Variants in MAN2A1 observed in about 807,000 individuals in gnomAD.
MAN2A1 encodes the protein mannosidase alpha class 2A member 1.
A neutral mutation model predicts 142.6 loss-of-function variants in MAN2A1; 76 were observed. The ratio of observed to expected loss-of-function variants is 0.53; its 90% CI spans 0.44 to 0.65. The LOEUF (loss-of-function observed/expected upper bound fraction) is 0.65, where lower values mean the gene tolerates loss of function less well. Among genes scored for constraint, MAN2A1 ranks in the 30% least tolerant of loss-of-function variants. The probability of loss-of-function intolerance (pLI) is 0.00; values close to 1 mark genes in which losing one functional copy is unlikely to be tolerated. For missense variants in MAN2A1, 1,311 were observed against 1,365.1 expected, an observed-to-expected ratio of 0.96 and a Z score of 0.62; for synonymous variants, 559 against 473.2, an observed-to-expected ratio of 1.18 and a Z score of -2.35.
intron 1 of MAN2A1, among the ~76,000 whole-genome samples, chr5:109,709,904 C>A (rs1751248260): frequency 6.6e-6 from 1 of 152,176 alleles, no homozygotes; most frequent in Non-Finnish European, 1.5e-5. Flanking sequence ...TATTCTTTGA[C>A]TTCTCAGCAT....
At chr5:109,734,915 C>T (rs976124855) in intron 4 of MAN2A1, among the ~76,000 whole-genome samples, 34 of 152,136 alleles carry the variant, frequency 2.2e-4, no homozygotes, top group Admixed American at 1.8e-3. Flanking sequence ...AGTTCAATTC[C>T]TGGGTATCCT....
chr5:109,829,775 A>G lies in MAN2A1; in HGVS notation c.2566+5938A>G, dbSNP rs568387627. 3.9e-5 allele frequency among the ~76,000 whole-genome samples: 6 copies of G among 152,326 alleles called. No homozygotes were observed. In the South Asian group the frequency reaches 1.2e-3, roughly 32 times the overall value. ...TTGAGTGGAAAGTTTCCTCAACTTT[A>G]ATTTTTCAGTCAGAATTGTATAAGC... On this transcript the variant is annotated intron_variant, in intron 16 of 21. Coordinates refer to ENST00000261483, the MANE Select transcript of MAN2A1 (RefSeq NM_002372.4).
At chr5:109,705,424 A>C (rs1046912863) in intron 1 of MAN2A1, among the ~76,000 whole-genome samples, 2 of 152,006 alleles carry the variant, frequency 1.3e-5, no homozygotes, top group African/African-American at 4.8e-5. Context: ...GAGCCTTGTT[A>C]GACCAAATTA....
chr5:109,763,521 TTAG>T (rs57149582), intron 5 of MAN2A1, among the ~76,000 whole-genome samples: 19,913 of 151,486 alleles, frequency 0.13, 1,706 homozygotes, highest in African/African-American at 0.25. Context: ...AAAATTTATT[TTAG>T]TATTATTATT....
At chr5:109,861,620 T>C (rs1755762472) in intron 20 of MAN2A1, among the ~76,000 whole-genome samples, 1 of 152,216 alleles carries the variant, frequency 6.6e-6, no homozygotes, top group Non-Finnish European at 1.5e-5. Flanking sequence ...TTTCATCCCA[T>C]CTTACAGAAT....
chr5:109,709,686 AG>A (rs1013866902), intron 1 of MAN2A1, among the ~76,000 whole-genome samples: 2 of 152,194 alleles, frequency 1.3e-5, no homozygotes, highest in Non-Finnish European at 2.9e-5. Flanking sequence ...GTTCTCTCAA[AG>A]GTATTTGATA....
chr5:109,770,297 A>AT, intron 6 of MAN2A1, 58 bp from the exon 7 acceptor site: 2 of 1,483,530 alleles, frequency 1.3e-6, no homozygotes, highest in Non-Finnish European at 9.3e-7. Flanking sequence ...CATTTTGAAT[A>AT]TTTTTTGGGA....
At chr5:109,864,959 G>A (rs1342210189) in intron 20 of MAN2A1, 77 bp from the exon 21 acceptor site, 13 of 981,166 alleles carry the variant, frequency 1.3e-5, no homozygotes, top group East Asian at 4.8e-5. Flanking sequence ...TGCTGACATC[G>A]AGAGAGTGGT....
At position 109,716,222 on chromosome 5, in the gene MAN2A1, C is replaced by A; in HGVS notation, c.493C>A (p.Pro165Thr). 6.2e-7 allele frequency: 1 copy of A among 1,610,800 alleles called. No individual in the cohort carries two copies. Among genetic ancestry groups the A allele is most frequent in the Non-Finnish European group, 8.5e-7 (1 of 1,178,118 alleles). The change falls in exon 3 of 22, where the codon CCC becomes ACC. Residue 165 changes from proline to threonine, a missense_variant. Physicochemically the swap from Pro to Thr is conservative, Grantham distance 38 (BLOSUM62 -1). Around this residue, in one of 3 missense-constraint regions of MAN2A1, gnomAD observed 409 missense variants for 412.7 expected, o/e 0.99. Coordinates refer to ENST00000261483, the MANE Select transcript of MAN2A1 (RefSeq NM_002372.4). ...TYESNEWDTE[P>T]LQVFVVPHSH... The stretch of plus-strand genomic sequence containing the variant: ...TGAATCTAATGAATGGGACACTGAA[C>A]CCCTTCAAGTCTTTGTGGTGCCTCA...
At chr5:109,755,537 C>T (rs1752666396) in intron 5 of MAN2A1, 81 bp downstream of exon 5, 1 of 1,064,204 alleles carries the variant, frequency 9.4e-7, no homozygotes, top group African/African-American at 1.6e-5. Flanking sequence ...GTTCTTTTTT[C>T]GAGTAACTAT....
Position 109,844,671 on chromosome 5 carries a change from G to A in MAN2A1, c.2701-1194G>A, listed in dbSNP as rs185292797. Among the ~76,000 whole-genome samples the A allele has an allele frequency of 4.7e-3, 713 of 152,192 alleles. 5 individuals are homozygous for A. The highest frequency in any genetic ancestry group is 7.7e-3 in the Admixed American group (117 of 15,280). ...AAGCTATAGGGAAATAACCTTCCTT[G>A]CCCTTTCCCAGCTTCTAGTGGTTGC... On this transcript the variant is annotated intron_variant, in intron 17 of 21. Transcript: ENST00000261483.
chr5:109,776,796 C>A (rs1753305177), intron 8 of MAN2A1, among the ~76,000 whole-genome samples: 2 of 152,286 alleles, frequency 1.3e-5, no homozygotes, highest in Admixed American at 1.3e-4. Flanking sequence ...ACATCTGTCA[C>A]CATGATTACT....
chr5:109,820,448 G>A, intron 15 of MAN2A1, 106 bp downstream of exon 15: 1 of 1,144,728 alleles, frequency 8.7e-7, no homozygotes. Flanking sequence ...GATTTATTAG[G>A]GATAGATGAA....
Position 109,689,985 on chromosome 5 carries a change from C to G in MAN2A1, c.-433C>G, listed in dbSNP as rs1400510892. The G allele has an allele frequency of 5.8e-6, 1 of 173,322 alleles. No individual in the cohort carries two copies. Among genetic ancestry groups the G allele is most frequent in the Admixed American group, 5.9e-5 (1 of 16,854 alleles). The allele number at this position is 173,322 out of a possible 1,614,324, so 10.7% of individuals were successfully genotyped here. A position where few individuals can be genotyped will look rare whatever the true frequency, so the allele number is the denominator to read the frequency against. On this transcript the variant is annotated 5_prime_UTR_variant, in exon 1 of 22. Transcript: ENST00000261483. ...GGCCCCGGCCCGGGAGCTGCCGAACCCGCGCCTCCCCTGGGTGAGGAGGAC... is the reference window on the plus strand; with the variant it reads ...GGCCCCGGCCCGGGAGCTGCCGAACGCGCGCCTCCCCTGGGTGAGGAGGAC...
intron 5 of MAN2A1, among the ~76,000 whole-genome samples, chr5:109,757,350 T>C (rs1752715710): frequency 2.0e-5 from 3 of 152,324 alleles, no homozygotes; most frequent in African/African-American, 7.2e-5. Flanking sequence ...TATATAAATC[T>C]TAAATGTAGA....
chr5:109,853,073 G>C (rs983103496), intron 19 of MAN2A1, among the ~76,000 whole-genome samples: 24 of 152,162 alleles, frequency 1.6e-4, no homozygotes, highest in African/African-American at 5.8e-4. Flanking sequence ...AATTCTTGAA[G>C]TCCTTAATAT....
intron 20 of MAN2A1, chr5:109,863,053 G>A (rs1755795175): frequency 6.6e-6 from 1 of 152,088 alleles, no homozygotes; most frequent in Non-Finnish European, 1.5e-5. Flanking sequence ...TATTCCAAGA[G>A]CAAATGTGTT....
Position 109,817,403 on chromosome 5 carries a change from G to T in MAN2A1, c.2074G>T (p.Asp692Tyr). The change falls in exon 13 of 22, where the codon GAT (aspartate) becomes TAT (tyrosine). Residue 692 changes from aspartate to tyrosine, a missense_variant. By Grantham distance (160) the Asp-to-Tyr change is radical. Coordinates refer to ENST00000261483, the MANE Select transcript of MAN2A1 (RefSeq NM_002372.4). ...GGAAGTTCAAGTCAGCGCAGTTTGG[G>T]ATACAGCAAATACTATTTCAGAAAC... ...PVEVQVSAVW[D>Y]TANTISETAY... 6.2e-7 allele frequency: 1 copy of T among 1,613,970 alleles called. No homozygotes were observed. Among genetic ancestry groups the T allele is most frequent in the Non-Finnish European group, 8.5e-7 (1 of 1,179,966 alleles).
intron 4 of MAN2A1, among the ~76,000 whole-genome samples, chr5:109,737,870 A>C (rs932092814): frequency 6.6e-6 from 1 of 152,168 alleles, no homozygotes; most frequent in Non-Finnish European, 1.5e-5. Flanking sequence ...TATAGATTCG[A>C]GTTATTACTG....
Sources: gnomAD v4.1 joint callset for allele counts (sites outside exome capture counted in the v4.1 genomes callset) on GRCh38, gnomAD v4.1.1 for gene constraint, gnomAD v4.1.1 regional missense constraint, MANE v1.5 for transcripts, NCBI Gene and HGNC (gene_info 2026-07-23, HGNC 2026-07-21) for gene names.